GRIN3A: variants seen among roughly 807,000 people sequenced by gnomAD.
GRIN3A encodes glutamate receptor ionotropic, NMDA 3A.
Under a neutral mutation model 92.4 loss-of-function variants are expected in GRIN3A, and 47 were observed. The ratio of observed to expected loss-of-function variants is 0.51; its 90% CI spans 0.40 to 0.65. The LOEUF (loss-of-function observed/expected upper bound fraction) is 0.65. Among genes scored for constraint, GRIN3A ranks in the 30% least tolerant of loss-of-function variants. GRIN3A has a pLI of 0.00. For missense variants in GRIN3A, 1,324 were observed against 1,393.1 expected (o/e 0.95, Z 0.79); for synonymous variants, 527 against 540.6 (o/e 0.97, Z 0.35).
chr9:101,686,197 T>G lies in GRIN3A; in HGVS notation c.1304+399A>C, dbSNP rs190551469. Among the ~76,000 whole-genome samples the G allele has an allele frequency of 1.8e-4, 27 of 152,344 alleles. No homozygotes were observed. The East Asian group carries it at 4.8e-3, about 27-fold the overall frequency. ...AGAAACATTTATTTTGCATCTACTA[T>G]AAGCTAAGCATGGTATTAGGTACTT... On this transcript the variant is annotated intron_variant, in intron 2 of 8. Coordinates refer to ENST00000361820, the MANE Select transcript of GRIN3A (RefSeq NM_133445.3).
intron 3 of GRIN3A, among the ~76,000 whole-genome samples, chr9:101,668,197 A>G (rs942755146): frequency 6.6e-6 from 1 of 151,518 alleles, no homozygotes; most frequent in East Asian, 1.9e-4. Context: ...TGTCTTTATA[A>G]TTTTATTTTT....
intron 1 of GRIN3A, among the ~76,000 whole-genome samples, chr9:101,696,861 C>T (rs929362707): frequency 6.6e-6 from 1 of 152,002 alleles, no homozygotes; most frequent in African/African-American, 2.4e-5. Context: ...TTTTAAAGAC[C>T]CTCTAGAACT....
At chr9:101,668,650 A>C (rs1028258299) in intron 3 of GRIN3A, among the ~76,000 whole-genome samples, 2 of 152,180 alleles carry the variant, frequency 1.3e-5, no homozygotes, top group African/African-American at 4.8e-5. Flanking sequence ...TAAAGCCCTG[A>C]GTATTCATTG....
intron 6 of GRIN3A, among the ~76,000 whole-genome samples, chr9:101,583,509 A>C (rs968294034): frequency 6.6e-6 from 1 of 152,150 alleles, no homozygotes; most frequent in Admixed American, 6.5e-5. Context: ...TCTAGTAAAA[A>C]ACTGCTCAAC....
intron 3 of GRIN3A, among the ~76,000 whole-genome samples, chr9:101,629,502 C>T (rs1296555364): frequency 6.6e-6 from 1 of 152,140 alleles, no homozygotes; most frequent in Non-Finnish European, 1.5e-5. Context: ...ATACCTGCAA[C>T]CACTGCCATA....
intron 6 of GRIN3A, among the ~76,000 whole-genome samples, chr9:101,610,530 T>G (rs978723736): frequency 2.0e-5 from 3 of 152,116 alleles, no homozygotes; most frequent in Non-Finnish European, 4.4e-5. Context: ...TCCAGGATAA[T>G]CAGAAGTAAA....
intron 6 of GRIN3A, among the ~76,000 whole-genome samples, chr9:101,585,192 G>A (rs567793154): frequency 2.0e-5 from 3 of 152,180 alleles, no homozygotes; most frequent in Non-Finnish European, 2.9e-5. Context: ...TTCATGTATC[G>A]GCAGCTTGGA....
intron 3 of GRIN3A, among the ~76,000 whole-genome samples, chr9:101,636,489 T>C (rs1212479238): frequency 2.6e-5 from 4 of 152,178 alleles, no homozygotes; most frequent in African/African-American, 9.7e-5. Context: ...ATTAAGCAAC[T>C]TGCTCAAGGC....
rs958034656 is a variant in GRIN3A at position 101,570,016 on chromosome 9, G to T, written c.*3158C>A. On this transcript the variant is annotated 3_prime_UTR_variant, in exon 9 of 9. Transcript: ENST00000361820. ...AATAGCAAGATTCATGAATAGCAGA[G>T]AGTCATCTCCAGGCACATTAAAGAC... 3.3e-5 allele frequency: 5 copies of T among 152,164 alleles called. No individual in the cohort carries two copies. The highest frequency in any genetic ancestry group is 1.2e-4 in the African/African-American group (5 of 41,434). 9.4% of individuals were successfully genotyped at this position (152,164 alleles called of 1,614,324 possible).
At chr9:101,644,967 A>T (rs1002369445) in intron 3 of GRIN3A, among the ~76,000 whole-genome samples, 1 of 151,942 alleles carries the variant, frequency 6.6e-6, no homozygotes, top group Non-Finnish European at 1.5e-5. Flanking sequence ...GATGATTAGG[A>T]TATTAATCAT....
intron 1 of GRIN3A, among the ~76,000 whole-genome samples, chr9:101,728,194 C>T (rs1830100967): frequency 6.6e-6 from 1 of 152,090 alleles, no homozygotes; most frequent in Admixed American, 6.6e-5. Flanking sequence ...AAAACAAAAA[C>T]TTTTCTTTTT....
At chr9:101,736,929 C>G (rs1830214369) in intron 1 of GRIN3A, among the ~76,000 whole-genome samples, 1 of 152,084 alleles carries the variant, frequency 6.6e-6, no homozygotes, top group Admixed American at 6.6e-5. Flanking sequence ...TCTTCAGAAC[C>G]TTCACCGCTC....
intron 3 of GRIN3A, among the ~76,000 whole-genome samples, chr9:101,663,972 T>G (rs1030580489): frequency 1.3e-5 from 2 of 152,006 alleles, no homozygotes; most frequent in East Asian, 1.9e-4. Context: ...TGAGTGTTCA[T>G]GTATCCTTTC....
chr9:101,721,436 G>T (rs180798982), intron 1 of GRIN3A, among the ~76,000 whole-genome samples: 104 of 152,228 alleles, frequency 6.8e-4, no homozygotes, highest in Non-Finnish European at 9.7e-4. Context: ...TAGTAAATTG[G>T]TACCAGTAGA....
At position 101,594,480 on chromosome 9, in the gene GRIN3A, T is replaced by A. The variant is rs748438582; in HGVS notation, c.2767-15120A>T. ...ACAGCACTGAATTCCTCAAAGGATA[T>A]CTTCCCATCGCCATCCTTGTCCAGG... On this transcript the variant is annotated intron_variant, in intron 6 of 8. Transcript: ENST00000361820. 20 of 1,614,054 alleles carry A rather than the reference T, an allele frequency of 1.2e-5. 1 individual carries two copies. The highest frequency in any genetic ancestry group is 2.7e-5 in the African/African-American group (2 of 74,916).
At chr9:101,702,312 AT>A (rs1005183219) in intron 1 of GRIN3A, among the ~76,000 whole-genome samples, 5 of 152,194 alleles carry the variant, frequency 3.3e-5, no homozygotes, top group Non-Finnish European at 7.4e-5. Flanking sequence ...CCAAAAAAAA[AT>A]TTTTTTATTT....
At chr9:101,735,029 G>T (rs1198382265) in intron 1 of GRIN3A, among the ~76,000 whole-genome samples, 1 of 151,858 alleles carries the variant, frequency 6.6e-6, no homozygotes, top group Non-Finnish European at 1.5e-5. Flanking sequence ...AGAAGCAAGG[G>T]AAAGATCAGT....
chr9:101,607,165 A>G (rs576742996), intron 6 of GRIN3A, among the ~76,000 whole-genome samples: 1 of 151,948 alleles, frequency 6.6e-6, no homozygotes, highest in East Asian at 1.9e-4. Flanking sequence ...AGGAAAAAAA[A>G]AAAAGTGAGT....
intron 6 of GRIN3A, among the ~76,000 whole-genome samples, chr9:101,602,452 C>T (rs933836756): frequency 6.6e-6 from 1 of 152,158 alleles, no homozygotes; most frequent in African/African-American, 2.4e-5. Context: ...AGTGAGGAGT[C>T]CCATTTCCTG....
Sources: allele counts gnomAD v4.1 joint callset (sites outside exome capture counted in the v4.1 genomes callset), GRCh38; gene constraint gnomAD v4.1.1; transcripts MANE v1.5; gene names NCBI Gene and HGNC (gene_info 2026-07-23, HGNC 2026-07-21).